CSMD3: variants seen among roughly 807,000 people sequenced by gnomAD.
CSMD3 encodes the protein CUB and sushi domain-containing protein 3.
A neutral mutation model predicts 435.2 loss-of-function variants in CSMD3; 177 were observed. The observed-to-expected ratio is 0.41, with a 90% confidence interval of 0.36 to 0.46. CSMD3 has a LOEUF of 0.46. CSMD3 is among the 20% of genes least tolerant of loss of function. CSMD3 has a pLI of 0.34. For missense variants in CSMD3, 4,265 were observed against 4,504.6 expected (o/e 0.95, Z 1.52); for synonymous variants, 1,656 against 1,520.5 (o/e 1.09, Z -2.07).
chr8:113,006,708 G>A (rs181970730), intron 6 of CSMD3, among the ~76,000 whole-genome samples: 50 of 152,028 alleles, frequency 3.3e-4, no homozygotes, highest in Admixed American at 3.0e-3. Context: ...ATGGGATACC[G>A]ATAAAATGAG....
chr8:113,435,421 C>T (rs1341856079), intron 1 of CSMD3, among the ~76,000 whole-genome samples: 1 of 152,104 alleles, frequency 6.6e-6, no homozygotes, highest in Non-Finnish European at 1.5e-5. Flanking sequence ...CATGAATTAT[C>T]ATTTCCACTG....
chr8:112,305,915 G>A (rs1821374667), intron 51 of CSMD3, 92 bp downstream of exon 51: 3 of 1,054,304 alleles, frequency 2.8e-6, no homozygotes, highest in Non-Finnish European at 3.0e-6. Context: ...TCAGTTTAGG[G>A]ATTGGTTTTT....
chr8:113,356,481 G>A (rs1221947355), intron 1 of CSMD3, among the ~76,000 whole-genome samples: 1 of 152,078 alleles, frequency 6.6e-6, no homozygotes, highest in Non-Finnish European at 1.5e-5. Context: ...TTACAGGGAA[G>A]GCCAGAGAGA....
At chr8:112,430,152 A>T (rs1813504915) in intron 32 of CSMD3, among the ~76,000 whole-genome samples, 1 of 152,078 alleles carries the variant, frequency 6.6e-6, no homozygotes, top group African/African-American at 2.4e-5. Flanking sequence ...TCAGGTAGGA[A>T]GCGTCTACAA....
intron 5 of CSMD3, among the ~76,000 whole-genome samples, chr8:113,080,234 C>T (rs546280793): frequency 1.7e-4 from 26 of 152,218 alleles, no homozygotes; most frequent in Admixed American, 1.5e-3. Flanking sequence ...GCACTAAAAT[C>T]CCATGACAGG....
At chr8:113,192,730 T>C (rs1298092973) in intron 3 of CSMD3, among the ~76,000 whole-genome samples, 1 of 151,114 alleles carries the variant, frequency 6.6e-6, no homozygotes, top group Admixed American at 6.6e-5. Flanking sequence ...GTTCAAGTTT[T>C]ATATATTTTA....
chr8:113,302,316 TATA>T (rs1281418126), intron 2 of CSMD3, among the ~76,000 whole-genome samples: 1 of 142,238 alleles, frequency 7.0e-6, no homozygotes. Flanking sequence ...ATATTATATA[TATA>T]ATAATATAAT....
intron 66 of CSMD3, among the ~76,000 whole-genome samples, chr8:112,238,611 G>A (rs913169658): frequency 6.6e-6 from 1 of 151,556 alleles, no homozygotes; most frequent in East Asian, 1.9e-4. Context: ...AAATACTGCT[G>A]AATGTTTTCT....
At chr8:112,565,938 G>A (rs768242206) in intron 24 of CSMD3, among the ~76,000 whole-genome samples, 8 of 151,064 alleles carry the variant, frequency 5.3e-5, no homozygotes, top group Non-Finnish European at 1.2e-4. Flanking sequence ...GTCTTTCCCC[G>A]ATAGTAAATG....
rs184136977 is a variant in CSMD3 at position 112,226,331 on chromosome 8, C to G, written c.10965-1401G>C. Among the ~76,000 whole-genome samples the G allele has an allele frequency of 6.8e-4, 103 of 152,166 alleles. 3 individuals carry two copies. Among genetic ancestry groups the G allele is most frequent in the Middle Eastern group, 3.4e-3 (1 of 294 alleles). On this transcript the variant is annotated intron_variant, in intron 70 of 70. Coordinates refer to ENST00000297405, the MANE Select transcript of CSMD3 (RefSeq NM_198123.2). The stretch of plus-strand genomic sequence containing the variant: ...CATTGCCTTCTAATTAGGTAATAAT[C>G]ATGAAGATACAAAATAATTGCCCCT...
intron 1 of CSMD3, among the ~76,000 whole-genome samples, chr8:113,333,987 A>C (rs1210400949): frequency 6.6e-6 from 1 of 151,890 alleles, no homozygotes; most frequent in Non-Finnish European, 1.5e-5. Flanking sequence ...AGTCCTAGAC[A>C]TGACTTGTTA....
chr8:112,783,781 C>A (rs2078463573), intron 13 of CSMD3, among the ~76,000 whole-genome samples: 1 of 150,446 alleles, frequency 6.6e-6, no homozygotes. Flanking sequence ...AAGAAAAAAG[C>A]AGGAGTGGCT....
chr8:112,536,737 C>T (rs1206640398), intron 27 of CSMD3, among the ~76,000 whole-genome samples: 6 of 150,082 alleles, frequency 4.0e-5, no homozygotes, highest in Non-Finnish European at 7.4e-5. Flanking sequence ...TATTGCGGCA[C>T]TATTCACAAT....
At chr8:113,211,270 C>T (rs566679179) in intron 3 of CSMD3, among the ~76,000 whole-genome samples, 9 of 152,194 alleles carry the variant, frequency 5.9e-5, no homozygotes, top group African/African-American at 1.9e-4. Context: ...TCCTTTCTTT[C>T]CTCAGTTTCT....
At chr8:112,304,560 T>C (rs1586714979) in intron 52 of CSMD3, among the ~76,000 whole-genome samples, 161 bp downstream of exon 52, 1 of 152,122 alleles carries the variant, frequency 6.6e-6, no homozygotes, top group Non-Finnish European at 1.5e-5. Context: ...TACTAATACA[T>C]AGAAACATAG....
intron 32 of CSMD3, among the ~76,000 whole-genome samples, chr8:112,410,450 C>T (rs1832234032): frequency 6.9e-6 from 1 of 144,020 alleles, no homozygotes; most frequent in African/African-American, 2.5e-5. Flanking sequence ...TTAAAAGATC[C>T]CAAATTTGTT....
rs373781655 is a variant in CSMD3, at chr8:113,015,474, T to C, written c.1030+3593A>G. Among the ~76,000 whole-genome samples, 23 of 152,028 alleles carry C rather than the reference T, an allele frequency of 1.5e-4. 1 individual carries two copies. The East Asian group carries it at 3.9e-3, about 26-fold the overall frequency. On this transcript the variant is annotated intron_variant, in intron 6 of 70. Transcript: ENST00000297405. ...TATAAAAATCAAATTGTGATTAAAA[T>C]GTAAGGAATTTAGAGGCTTGAATCA...
chr8:113,158,032 A>G (rs1286433188), intron 4 of CSMD3, among the ~76,000 whole-genome samples: 1 of 152,108 alleles, frequency 6.6e-6, no homozygotes, highest in Non-Finnish European at 1.5e-5. Context: ...AAGTAGAAAA[A>G]GAAGGGTGGA....
intron 4 of CSMD3, among the ~76,000 whole-genome samples, chr8:113,103,698 CAAAT>C (rs2090394535): frequency 6.6e-6 from 1 of 151,936 alleles, no homozygotes; most frequent in African/African-American, 2.4e-5. Flanking sequence ...AATCTATCAT[CAAAT>C]AACACCATTT....
Sources: allele counts gnomAD v4.1 joint callset (sites outside exome capture counted in the v4.1 genomes callset), GRCh38; gene constraint gnomAD v4.1.1; transcripts MANE v1.5; gene names NCBI Gene and HGNC (gene_info 2026-07-23, HGNC 2026-07-21).